The following UGGT1 variants were observed in gnomAD, a reference collection of about 807,000 sequenced individuals.
UGGT1 encodes the protein UDP-glucose:glycoprotein glucosyltransferase 1.
Under a neutral mutation model 203.9 loss-of-function variants are expected in UGGT1, and 107 were observed. That is an observed-to-expected ratio of 0.52 (90% CI 0.45 to 0.62). The LOEUF (loss-of-function observed/expected upper bound fraction) is 0.62, where lower values mean the gene tolerates loss of function less well. Among genes scored for constraint, UGGT1 ranks in the 20% least tolerant of loss-of-function variants. The probability of loss-of-function intolerance (pLI) is 0.00; values close to 1 mark genes in which losing one functional copy is unlikely to be tolerated. For synonymous variants in UGGT1, 628 were observed against 653.5 expected (o/e 0.96, Z 0.59); for missense variants, 1,673 against 1,867.2 (o/e 0.90, Z 1.92).
At chr2:128,092,065 T>C (rs964070060) in intron 1 of UGGT1, among the ~76,000 whole-genome samples, 2 of 152,206 alleles carry the variant, frequency 1.3e-5, no homozygotes, top group Non-Finnish European at 2.9e-5. Context: ...TTTTGCCTTA[T>C]TGTGCTACAC....
intron 38 of UGGT1, among the ~76,000 whole-genome samples, chr2:128,185,533 A>G (rs1691934153): frequency 7.7e-6 from 1 of 130,106 alleles, no homozygotes; most frequent in Non-Finnish European, 1.5e-5. Context: ...GAGTGCAGTG[A>G]TGCGATCATG....
intron 15 of UGGT1, among the ~76,000 whole-genome samples, chr2:128,135,407 T>A (rs548445130): frequency 1.3e-5 from 2 of 152,340 alleles, no homozygotes; most frequent in South Asian, 2.1e-4. Context: ...GGGTACTGAG[T>A]GGCTGGATTT....
chr2:128,154,060 TACAC>T (rs10597837), intron 19 of UGGT1, among the ~76,000 whole-genome samples: 5,893 of 149,650 alleles, frequency 0.039, 141 homozygotes, highest in Non-Finnish European at 0.046. Context: ...CATGTATATA[TACAC>T]ACACACACAC....
intron 4 of UGGT1, among the ~76,000 whole-genome samples, chr2:128,108,351 C>T (rs187533011): frequency 3.7e-4 from 57 of 152,280 alleles, no homozygotes; most frequent in Non-Finnish European, 7.2e-4. Context: ...AATGAGCCAG[C>T]ATCTAATTAC....
intron 40 of UGGT1, among the ~76,000 whole-genome samples, chr2:128,187,946 T>C (rs1692069906): frequency 6.6e-6 from 1 of 152,046 alleles, no homozygotes; most frequent in South Asian, 2.1e-4. Context: ...ATTCCTTGTT[T>C]TTTTTTTCAT....
At chr2:128,123,688 T>C (rs568082405) in intron 11 of UGGT1, among the ~76,000 whole-genome samples, 10 of 152,314 alleles carry the variant, frequency 6.6e-5, no homozygotes, top group East Asian at 3.9e-4. Flanking sequence ...TTCCTGTCTA[T>C]CCATCTTCTC....
In UGGT1 at chr2:128,157,358, T is replaced by C. The variant is rs372503377; in HGVS notation, c.2355+12T>C. On this transcript the variant is annotated intron_variant, in intron 22 of 40. Coordinates refer to ENST00000259253, the MANE Select transcript of UGGT1 (RefSeq NM_020120.4). ...CCATCAAACATCAGGCAAGTATCTATGACTTCATTTTATATTTTTGTTTGT... is the reference window on the plus strand; with the variant it reads ...CCATCAAACATCAGGCAAGTATCTACGACTTCATTTTATATTTTTGTTTGT... 27 of 1,608,524 alleles carry C rather than the reference T, an allele frequency of 1.7e-5. No homozygotes were observed. Among genetic ancestry groups the C allele is most frequent in the Non-Finnish European group, 2.2e-5 (26 of 1,175,372 alleles).
chr2:128,138,463 C>T (rs557768911), intron 15 of UGGT1, among the ~76,000 whole-genome samples: 3 of 151,462 alleles, frequency 2.0e-5, no homozygotes, highest in South Asian at 2.1e-4. Flanking sequence ...TGCAGTGAGC[C>T]GAGATTGCAC....
chr2:128,127,306 A>C (rs1022926955), intron 11 of UGGT1, 55 bp from the exon 12 acceptor site: 72 of 1,319,946 alleles, frequency 5.5e-5, no homozygotes, highest in Admixed American at 2.1e-4. Flanking sequence ...GAAACAATAA[A>C]ATTTTTTTTA....
chr2:128,130,321 AAAAT>A (rs1197998853), intron 13 of UGGT1, among the ~76,000 whole-genome samples: 10 of 152,066 alleles, frequency 6.6e-5, no homozygotes, highest in Non-Finnish European at 1.5e-4. Context: ...GTTGTGGTAA[AAAAT>A]AAGGTGAGTG....
At position 128,138,791 on chromosome 2, in the gene UGGT1, G is replaced by A. The variant is rs749898679; in HGVS notation, c.1658G>A (p.Arg553Lys). 6.2e-7 allele frequency: 1 copy of A among 1,614,134 alleles called. No homozygotes were observed. The highest frequency in any genetic ancestry group is 8.5e-7 in the Non-Finnish European group (1 of 1,180,014). Reference protein sequence around the residue: ...GMQDAGVAVLRAYNYVAQEVD... With the variant: ...GMQDAGVAVLKAYNYVAQEVD... ...CAAGATGCTGGAGTGGCTGTTCTTAGAGCATATAATTATGTTGCCCAAGAA... is the reference window on the plus strand; with the variant it reads ...CAAGATGCTGGAGTGGCTGTTCTTAAAGCATATAATTATGTTGCCCAAGAA... Residue 553 changes from arginine to lysine, a missense_variant, in exon 16 of 41, where the codon AGA (arginine) becomes AAA (lysine). This residue lies in a region of UGGT1 where 1,073 missense variants were observed against 1,078.7 expected (regional missense o/e 0.99). Transcript: ENST00000259253.
At chr2:128,143,650 G>T (rs1486188360) in intron 17 of UGGT1, among the ~76,000 whole-genome samples, 1 of 152,174 alleles carries the variant, frequency 6.6e-6, no homozygotes, top group Non-Finnish European at 1.5e-5. Flanking sequence ...CACACACCAT[G>T]CTCCTTAGTT....
chr2:128,158,077 A>C (rs1229466597), intron 22 of UGGT1, among the ~76,000 whole-genome samples: 1 of 152,186 alleles, frequency 6.6e-6, no homozygotes, highest in Non-Finnish European at 1.5e-5. Context: ...GAGTGGACCA[A>C]ATGCTGTGGT....
At position 128,164,723 on chromosome 2, in the gene UGGT1, C is replaced by G; in HGVS notation, c.2826-7C>G. On this transcript the variant is annotated splice_region_variant and splice_polypyrimidine_tract_variant and intron_variant, in intron 25 of 40. Transcript: ENST00000259253. Reference sequence around the variant, plus strand: ...GATGTTAAGATTTCTCTAACCCCTTCTTTCAGGGCAAGCGACTTGGTAATG... The same window carrying G: ...GATGTTAAGATTTCTCTAACCCCTTGTTTCAGGGCAAGCGACTTGGTAATG... 1.2e-6 allele frequency: 2 copies of G among 1,613,710 alleles called. No individual in the cohort carries two copies. Among genetic ancestry groups the G allele is most frequent in the Non-Finnish European group, 1.7e-6 (2 of 1,179,666 alleles).
chr2:128,134,962 G>A lies in UGGT1; in HGVS notation c.1583+1G>A. The stretch of plus-strand genomic sequence containing the variant: ...TCCTTAGTAATCATATACCACTAAG[G>A]TAACACTGGTATTGATTTGATGATG... On this transcript the variant is annotated splice_donor_variant, in intron 15 of 40. Transcript: ENST00000259253. LOFTEE classifies it high-confidence loss of function. The A allele has an allele frequency of 6.2e-7, 1 of 1,609,334 alleles. No individual in the cohort carries two copies. Among genetic ancestry groups the A allele is most frequent in the Non-Finnish European group, 8.5e-7 (1 of 1,176,004 alleles).
chr2:128,106,696 C>T (rs1195573170), intron 3 of UGGT1, among the ~76,000 whole-genome samples: 2 of 152,142 alleles, frequency 1.3e-5, no homozygotes, highest in Non-Finnish European at 2.9e-5. Context: ...ATTACAGGTG[C>T]ATGCCACCTC....
At position 128,170,387 on chromosome 2, in the gene UGGT1, C is replaced by G. The variant is rs1254395402; in HGVS notation, c.3021C>G (p.Leu1007=). Residue 1007 remains leucine, a synonymous_variant, in exon 27 of 41, where the codon CTC becomes CTG. Transcript: ENST00000259253. ...AAGCACAGAGACTTGCTCCTTTGCT[C>G]TTGGTAGGAACGCTGTGCAGGAAGT... ...TREAQRLAPL[L]LVLAQLINMN... 5 of 1,613,492 alleles carry G rather than the reference C, an allele frequency of 3.1e-6. No homozygotes were observed. The highest frequency in any genetic ancestry group is 1.1e-5 in the South Asian group (1 of 91,062).
chr2:128,116,126 C>T (rs1558762740), intron 7 of UGGT1, 139 bp from the exon 8 acceptor site: 1 of 548,280 alleles, frequency 1.8e-6, no homozygotes, highest in South Asian at 2.9e-5. Context: ...TTGTGATAGT[C>T]AGCATTTTAA....
rs111704403 is a variant in UGGT1 at position 128,177,858 on chromosome 2, C to T, written c.3651C>T (p.Asn1217=). ...VKVQKKADMV[N]EDLLSDGTSE... ...TTCAGAAGAAGGCAGATATGGTGAA[C>T]GAAGACTTGCTGAGTGATGGAACGA... is the stretch of plus-strand genomic sequence containing the variant. The change falls in exon 33 of 41, where the codon AAC becomes AAT. Residue 1217 remains asparagine, a synonymous_variant. Transcript: ENST00000259253. The T allele has an allele frequency of 7.3e-5, 117 of 1,600,834 alleles. 1 individual carries two copies. Among genetic ancestry groups the T allele is most frequent in the African/African-American group, 5.7e-4 (42 of 74,312 alleles).
Sources: gnomAD v4.1 joint callset for allele counts (sites outside exome capture counted in the v4.1 genomes callset) on GRCh38, gnomAD v4.1.1 for gene constraint, gnomAD v4.1.1 regional missense constraint, MANE v1.5 for transcripts, NCBI Gene and HGNC (gene_info 2026-07-23, HGNC 2026-07-21) for gene names.